Variants in CDH4 observed in about 807,000 individuals in gnomAD.
CDH4 encodes the protein cadherin 4.
CDH4 carries 33 observed loss-of-function variants against 86.0 expected under a neutral mutation model. The ratio of observed to expected loss-of-function variants is 0.38; its 90% CI spans 0.29 to 0.51. CDH4 has a LOEUF of 0.51. CDH4 is among the 20% of genes least tolerant of loss of function. CDH4 has a pLI of 0.86. For synonymous variants in CDH4, 555 were observed against 549.4 expected, an observed-to-expected ratio of 1.01 and a Z score of -0.14; for missense variants, 1,114 against 1,307.4, an observed-to-expected ratio of 0.85 and a Z score of 2.28.
At chr20:61,321,321 G>A (rs931136984) in intron 2 of CDH4, among the ~76,000 whole-genome samples, 1 of 152,182 alleles carries the variant, frequency 6.6e-6, no homozygotes, top group African/African-American at 2.4e-5. Flanking sequence ...GGGAGGAGGC[G>A]AGGCAGGTTC....
chr20:61,465,705 C>A (rs1270546857), intron 2 of CDH4, among the ~76,000 whole-genome samples: 1 of 152,010 alleles, frequency 6.6e-6, no homozygotes, highest in Non-Finnish European at 1.5e-5. Context: ...TCAATCCTTG[C>A]CAATAATTTT....
chr20:61,494,549 T>C (rs935044622), intron 2 of CDH4, among the ~76,000 whole-genome samples: 3 of 152,240 alleles, frequency 2.0e-5, no homozygotes, highest in African/African-American at 7.2e-5. Context: ...AGAAGAGCGA[T>C]GTTTAGCACC....
At chr20:61,381,873 G>A (rs985419427) in intron 2 of CDH4, among the ~76,000 whole-genome samples, 8 of 152,026 alleles carry the variant, frequency 5.3e-5, no homozygotes, top group East Asian at 3.9e-4. Flanking sequence ...TCAGGAGTTC[G>A]AGGCCAGCCT....
intron 2 of CDH4, among the ~76,000 whole-genome samples, chr20:61,555,642 AC>A (rs2086171876): frequency 6.6e-6 from 1 of 152,224 alleles, no homozygotes; most frequent in South Asian, 2.1e-4. Flanking sequence ...ACAAAATCAC[AC>A]CCTTTATTCG....
intron 7 of CDH4, among the ~76,000 whole-genome samples, chr20:61,886,759 T>C (rs1029862362): frequency 6.6e-6 from 1 of 152,182 alleles, no homozygotes; most frequent in Non-Finnish European, 1.5e-5. Context: ...GTCCCAGGCC[T>C]TCATCTTCTG....
intron 2 of CDH4, among the ~76,000 whole-genome samples, chr20:61,722,613 C>T (rs2088055250): frequency 6.6e-6 from 1 of 151,832 alleles, no homozygotes; most frequent in Non-Finnish European, 1.5e-5. Flanking sequence ...CCCAAGGACT[C>T]TGCAGGGCAG....
chr20:61,827,347 A>G (rs1981372535), intron 4 of CDH4, among the ~76,000 whole-genome samples: 1 of 152,232 alleles, frequency 6.6e-6, no homozygotes, highest in Admixed American at 6.5e-5. Context: ...GACCAAAAAG[A>G]AAAATCATAA....
At chr20:61,730,321 G>A (rs1169832214) in intron 2 of CDH4, among the ~76,000 whole-genome samples, 1 of 152,064 alleles carries the variant, frequency 6.6e-6, no homozygotes, top group Admixed American at 6.6e-5. Flanking sequence ...ATGCCCTCCT[G>A]TTCATCCCTC....
In CDH4 at chr20:61,915,459, T is replaced by G. The variant is rs550539228; in HGVS notation, c.1374+4852T>G. Among the ~76,000 whole-genome samples, 5 of 152,290 alleles carry G rather than the reference T, an allele frequency of 3.3e-5. No homozygotes were observed. The East Asian group carries it at 9.7e-4, about 29-fold the overall frequency. The stretch of plus-strand genomic sequence containing the variant: ...GGGTCCAAGGCCTCCTGAGGCAGCA[T>G]GAAACTCTGACCCAGCTGACGGTCC... On this transcript the variant is annotated intron_variant, in intron 9 of 15. Coordinates refer to ENST00000614565, the MANE Select transcript of CDH4 (RefSeq NM_001794.5).
chr20:61,758,967 GC>G (rs2088599331), intron 3 of CDH4, among the ~76,000 whole-genome samples: 1 of 151,660 alleles, frequency 6.6e-6, no homozygotes, highest in Non-Finnish European at 1.5e-5. Flanking sequence ...GTGCACATGT[GC>G]GCATGGGTGT....
intron 2 of CDH4, among the ~76,000 whole-genome samples, chr20:61,394,592 G>A (rs960597677): frequency 3.3e-5 from 5 of 151,736 alleles, no homozygotes; most frequent in African/African-American, 4.8e-5. Context: ...ACCAGGGCGG[G>A]GTGAGGACTG....
At chr20:61,479,396 C>T (rs1188921938) in intron 2 of CDH4, among the ~76,000 whole-genome samples, 5 of 151,830 alleles carry the variant, frequency 3.3e-5, no homozygotes, top group African/African-American at 1.2e-4. Flanking sequence ...ATTCCCCTTC[C>T]TGTGTCCATG....
chr20:61,671,678 G>A (rs1418267199), intron 2 of CDH4, among the ~76,000 whole-genome samples: 5 of 151,584 alleles, frequency 3.3e-5, no homozygotes, highest in African/African-American at 1.2e-4. Flanking sequence ...ATGGATGGTG[G>A]ATGGATGGGT....
At chr20:61,512,500 C>G (rs1374942400) in intron 2 of CDH4, among the ~76,000 whole-genome samples, 1 of 152,192 alleles carries the variant, frequency 6.6e-6, no homozygotes, top group Non-Finnish European at 1.5e-5. Flanking sequence ...ACATCTGTCG[C>G]CAAAGCCCCA....
chr20:61,611,397 A>G (rs1328782876), intron 2 of CDH4, among the ~76,000 whole-genome samples: 1 of 152,052 alleles, frequency 6.6e-6, no homozygotes, highest in Non-Finnish European at 1.5e-5. Flanking sequence ...TGAGCCGGGA[A>G]CCTGGGCAAA....
At chr20:61,765,812 C>T (rs189447182) in intron 3 of CDH4, among the ~76,000 whole-genome samples, 25 of 152,192 alleles carry the variant, frequency 1.6e-4, no homozygotes, top group Admixed American at 1.6e-3. Context: ...GCAGGGCTCC[C>T]ACCCTCCCAT....
At chr20:61,928,445 G>A (rs780348611) in intron 12 of CDH4, 22 bp downstream of exon 12, 2 of 1,605,366 alleles carry the variant, frequency 1.2e-6, no homozygotes, top group South Asian at 1.1e-5. Flanking sequence ...TTAGGCCACG[G>A]GGAGGGTCAG....
At chr20:61,932,595 G>A (rs759065177) in intron 13 of CDH4, among the ~76,000 whole-genome samples, 5 of 151,996 alleles carry the variant, frequency 3.3e-5, no homozygotes, top group South Asian at 2.1e-4. Flanking sequence ...AGATCTACAC[G>A]CTCACACCCA....
rs560975557 is a variant in CDH4, at chr20:61,358,454, C to T, written c.169+103517C>T. Among the ~76,000 whole-genome samples the T allele has an allele frequency of 3.9e-5, 6 of 152,300 alleles. No individual in the cohort carries two copies. The South Asian group carries it at 6.2e-4, about 16-fold the overall frequency. ...GCCTAGTAGAGGGCCTGGGGCAGAG[C>T]GAACATTTCATAAATATTGGTTGAA... is the stretch of plus-strand genomic sequence containing the variant. On this transcript the variant is annotated intron_variant, in intron 2 of 15. Coordinates refer to ENST00000614565, the MANE Select transcript of CDH4 (RefSeq NM_001794.5).
Sources: allele counts gnomAD v4.1 joint callset (sites outside exome capture counted in the v4.1 genomes callset), GRCh38; gene constraint gnomAD v4.1.1; transcripts MANE v1.5; gene names NCBI Gene and HGNC (gene_info 2026-07-23, HGNC 2026-07-21).